Variants in AFG3L2 observed in about 807,000 individuals in gnomAD.
AFG3L2 encodes the protein AFG3 like matrix AAA peptidase subunit 2, also known as mitochondrial inner membrane m-AAA protease component AFG3L2.
In AFG3L2, 54 loss-of-function variants were observed where a neutral mutation model predicts 94.5. The ratio of observed to expected loss-of-function variants is 0.57; its 90% CI spans 0.46 to 0.72. The LOEUF (loss-of-function observed/expected upper bound fraction) is 0.72. AFG3L2 is among the 30% of genes least tolerant of loss of function. AFG3L2 has a pLI of 0.00. For missense variants in AFG3L2, 754 were observed against 994.9 expected (o/e 0.76, Z 3.26); for synonymous variants, 377 against 365.5 (o/e 1.03, Z -0.36).
intron 16 of AFG3L2, among the ~76,000 whole-genome samples, chr18:12,330,231 C>CA (rs1271890793): frequency 1.3e-5 from 2 of 151,898 alleles, no homozygotes. Context: ...GAGGCTGAGG[C>CA]AGGAGGATCA....
At chr18:12,357,456 A>G (rs1460084327) in intron 8 of AFG3L2, among the ~76,000 whole-genome samples, 1 of 152,190 alleles carries the variant, frequency 6.6e-6, no homozygotes, top group Non-Finnish European at 1.5e-5. Context: ...TGGTCAAATG[A>G]TATTTTTTCT....
chr18:12,337,933 C>T (rs781276314), intron 15 of AFG3L2, among the ~76,000 whole-genome samples: 2 of 152,152 alleles, frequency 1.3e-5, no homozygotes, highest in South Asian at 2.1e-4. Flanking sequence ...CCACTCCCGG[C>T]TAATTTTTGT....
At chr18:12,362,967 T>C (rs1431339737) in intron 6 of AFG3L2, among the ~76,000 whole-genome samples, 8 of 152,190 alleles carry the variant, frequency 5.3e-5, no homozygotes, top group Admixed American at 4.6e-4. Flanking sequence ...CGGTTATTAA[T>C]AGGCATTGCA....
At chr18:12,340,573 T>C (rs891691298) in intron 14 of AFG3L2, among the ~76,000 whole-genome samples, 172 bp from the exon 15 acceptor site, 1 of 136,024 alleles carries the variant, frequency 7.4e-6, no homozygotes, top group African/African-American at 2.8e-5. Flanking sequence ...GTATTTTCTC[T>C]CAGGATAAGT....
Position 12,351,197 on chromosome 18 carries a change from T to G in AFG3L2, c.1440A>C (p.Ile480=). 1 of 1,614,208 alleles carries G rather than the reference T, an allele frequency of 6.2e-7. No homozygotes were observed. The highest frequency in any genetic ancestry group is 8.5e-7 in the Non-Finnish European group (1 of 1,180,030). The change falls in exon 12 of 17, where the codon ATA becomes ATC. Residue 480 remains isoleucine, a synonymous_variant. Transcript: ENST00000269143. ...DRQIFIGPPD[I]KGRASIFKVH... The stretch of plus-strand genomic sequence containing the variant: ...CTTTGAAAATAGAAGCTCTTCCTTT[T>G]ATGTCTGGTGGTCCTTTAGAAATCA...
In AFG3L2 at chr18:12,351,310, A is replaced by G. The variant is rs1313262294; in HGVS notation, c.1422T>C (p.Phe474=). 6.2e-7 allele frequency: 1 copy of G among 1,614,180 alleles called. No homozygotes were observed. Among genetic ancestry groups the G allele is most frequent in the South Asian group, 1.1e-5 (1 of 91,080 alleles). The change falls in exon 11 of 17, where the codon TTT becomes TTC. Residue 474 remains phenylalanine, a synonymous_variant. Coordinates refer to ENST00000269143, the MANE Select transcript of AFG3L2 (RefSeq NM_006796.3). ...LRPGRFDRQI[F]IGPPDIKGRA... is the part of the protein sequence containing the mutation. ...CCCCAGCAAACATCATCTCACCAATAAAGATCTGCCTGTCGAAACGCCCCG... is the reference window on the plus strand; with the variant it reads ...CCCCAGCAAACATCATCTCACCAATGAAGATCTGCCTGTCGAAACGCCCCG...
rs774921983 is a variant in AFG3L2, at chr18:12,377,129, G to A, written c.-47C>T. ...GGCCCGGGACGCTGCGCAGGCGCGG[G>A]CAGGCGACGACTGGCGGCCTCGGGA... On this transcript the variant is annotated 5_prime_UTR_variant, in exon 1 of 17. Transcript: ENST00000269143. 3 of 1,315,418 alleles carry A rather than the reference G, an allele frequency of 2.3e-6. No homozygotes were observed. Among genetic ancestry groups the A allele is most frequent in the South Asian group, 3.1e-5 (2 of 64,760 alleles). The allele number at this position is 1,315,418 out of a possible 1,614,324, so 81.5% of individuals were successfully genotyped here. A position where few individuals can be genotyped will look rare whatever the true frequency, so the allele number is the denominator to read the frequency against.
At chr18:12,337,048 T>G (rs950602014) in intron 16 of AFG3L2, 1 of 591,020 alleles carries the variant, frequency 1.7e-6, no homozygotes, top group Non-Finnish European at 3.0e-6. Context: ...CTGTGAACTA[T>G]CTGGTGAGGG....
At chr18:12,352,583 G>C (rs913970545) in intron 10 of AFG3L2, among the ~76,000 whole-genome samples, 1 of 152,176 alleles carries the variant, frequency 6.6e-6, no homozygotes, top group Non-Finnish European at 1.5e-5. Context: ...ATGATTTAGA[G>C]AATGAGATGG....
At chr18:12,370,054 C>CA (rs796293157) in intron 3 of AFG3L2, among the ~76,000 whole-genome samples, 1,321 of 34,032 alleles carry the variant, frequency 0.039, 54 homozygotes, top group Non-Finnish European at 0.054. Flanking sequence ...GACTCTGTCT[C>CA]AAAAAAAAAA....
At chr18:12,333,997 A>G (rs1250591157) in intron 16 of AFG3L2, among the ~76,000 whole-genome samples, 2 of 152,192 alleles carry the variant, frequency 1.3e-5, no homozygotes, top group African/African-American at 4.8e-5. Flanking sequence ...CACTAATGTT[A>G]GCCACCTCAT....
intron 9 of AFG3L2, among the ~76,000 whole-genome samples, chr18:12,353,526 A>G (rs1908390691): frequency 6.6e-6 from 1 of 151,846 alleles, no homozygotes; most frequent in Admixed American, 6.6e-5. Context: ...AAAAAAAAAA[A>G]AAAAAAAAAA....
intron 15 of AFG3L2, 58 bp downstream of exon 15, chr18:12,340,143 C>A: frequency 6.7e-7 from 1 of 1,488,082 alleles, no homozygotes; most frequent in South Asian, 1.1e-5. Context: ...CATAGAATGT[C>A]AATTTCTCGT....
At chr18:12,343,741 T>C (rs903205862) in intron 14 of AFG3L2, 9 of 227,424 alleles carry the variant, frequency 4.0e-5, no homozygotes, top group Non-Finnish European at 8.0e-5. Context: ...TTTCCAGTAT[T>C]CTTTAAGTCC....
Position 12,358,814 on chromosome 18 carries a change from G to C in AFG3L2, c.882C>G (p.Thr294=). The change falls in exon 8 of 17, where the codon ACC becomes ACG. Residue 294 remains threonine (T), a synonymous_variant. Transcript: ENST00000269143. ...GMGGLFSVGE[T]TAKVLKDEID... is the part of the protein sequence containing the mutation. ...TTTCATCCTTTAAGACCTTGGCAGT[G>C]GTTTCTCCGACACTGAAGAGTCCGC... is the stretch of plus-strand genomic sequence containing the variant. The C allele has an allele frequency of 6.2e-7, 1 of 1,614,222 alleles. No homozygotes were observed. The highest frequency in any genetic ancestry group is 8.5e-7 in the Non-Finnish European group (1 of 1,180,050).
intron 3 of AFG3L2, among the ~76,000 whole-genome samples, chr18:12,368,058 T>TA: frequency 6.6e-6 from 1 of 151,634 alleles, no homozygotes; most frequent in Admixed American, 6.6e-5. Context: ...TCCCAGCTAC[T>TA]AGGGAGGCTG....
chr18:12,333,802 G>A (rs371066142), intron 16 of AFG3L2, among the ~76,000 whole-genome samples: 255 of 152,252 alleles, frequency 1.7e-3, no homozygotes, highest in African/African-American at 5.0e-3. Flanking sequence ...CCAAGTGCTC[G>A]GCAGCCCTCC....
chr18:12,337,005 T>C (rs1021321099), intron 16 of AFG3L2: 6 of 516,036 alleles, frequency 1.2e-5, no homozygotes, highest in African/African-American at 1.1e-4. Context: ...AACACAATGG[T>C]AAACCAGGCA....
At chr18:12,375,055 CAAAAA>C (rs201750735) in intron 1 of AFG3L2, among the ~76,000 whole-genome samples, 1 of 100,852 alleles carries the variant, frequency 9.9e-6, no homozygotes, top group Non-Finnish European at 2.3e-5. Flanking sequence ...GACCCTGTCT[CAAAAA>C]AAAAAAAAAA....
Sources: gnomAD v4.1 joint callset for allele counts (sites outside exome capture counted in the v4.1 genomes callset) on GRCh38, gnomAD v4.1.1 for gene constraint, MANE v1.5 for transcripts, NCBI Gene and HGNC (gene_info 2026-07-23, HGNC 2026-07-21) for gene names.